Variants in PTBP2 observed in about 807,000 individuals in gnomAD.
PTBP2 encodes polypyrimidine tract binding protein 2, also known as polypyrimidine tract-binding protein 2.
A neutral mutation model predicts 61.4 loss-of-function variants in PTBP2; 13 were observed. The ratio of observed to expected loss-of-function variants is 0.21; its 90% confidence interval spans 0.14 to 0.34. PTBP2 has a LOEUF of 0.34. PTBP2 is among the 10% of genes least tolerant of loss of function. PTBP2 has a pLI of 1.00. For synonymous variants in PTBP2, 215 were observed against 218.5 expected (o/e 0.98, Z 0.14); for missense variants, 405 against 642.6 (o/e 0.63, Z 4.00).
intron 5 of PTBP2, among the ~76,000 whole-genome samples, chr1:96,773,273 T>C (rs949567742): frequency 6.6e-6 from 1 of 152,116 alleles, no homozygotes; most frequent in Non-Finnish European, 1.5e-5. Flanking sequence ...AAGCCACTTA[T>C]TCCAGACAGA....
At chr1:96,749,476 A>G (rs1457820852) in intron 2 of PTBP2, 2 of 311,110 alleles carry the variant, frequency 6.4e-6, no homozygotes, top group African/African-American at 2.2e-5. Flanking sequence ...AATTTTGTTC[A>G]GGTGAGTAAA....
At chr1:96,810,135 TTAA>T (rs1000819004) in intron 11 of PTBP2, among the ~76,000 whole-genome samples, 2 of 152,294 alleles carry the variant, frequency 1.3e-5, no homozygotes, top group African/African-American at 4.8e-5. Flanking sequence ...TTATTATTCG[TTAA>T]TAATCTCTTT....
At chr1:96,795,459 G>A (rs547962824) in intron 8 of PTBP2, among the ~76,000 whole-genome samples, 4 of 152,252 alleles carry the variant, frequency 2.6e-5, no homozygotes, top group African/African-American at 9.6e-5. Context: ...CTGTGGAGTT[G>A]TGAATTCAGA....
intron 3 of PTBP2, among the ~76,000 whole-genome samples, chr1:96,764,203 T>G (rs1219871605): frequency 6.6e-6 from 1 of 152,202 alleles, no homozygotes; most frequent in Non-Finnish European, 1.5e-5. Flanking sequence ...ATTTTACAGG[T>G]GAAAAAATTT....
At chr1:96,729,651 G>T (rs550833916) in intron 2 of PTBP2, among the ~76,000 whole-genome samples, 22 of 151,656 alleles carry the variant, frequency 1.5e-4, no homozygotes, top group Middle Eastern at 6.9e-3. Flanking sequence ...GTGAACTTTG[G>T]TAATTTGTAT....
rs1649582752 is a variant in PTBP2, at chr1:96,721,800, C to T, written c.-65C>T. On this transcript the variant is annotated 5_prime_UTR_variant, in exon 1 of 14. Transcript: ENST00000674951. The stretch of plus-strand genomic sequence containing the variant: ...TCGGGCCCCAGCCGCCATTTTCTCG[C>T]CGCTTGTGTGGCTCGCTGGCTGCGT... The T allele has an allele frequency of 8.4e-6, 13 of 1,549,848 alleles. No individual in the cohort carries two copies. Among genetic ancestry groups the T allele is most frequent in the Middle Eastern group, 1.7e-4 (1 of 5,974 alleles).
At chr1:96,725,892 G>A (rs989651760) in intron 2 of PTBP2, among the ~76,000 whole-genome samples, 3 of 151,226 alleles carry the variant, frequency 2.0e-5, no homozygotes, top group South Asian at 4.2e-4. Flanking sequence ...TGGCTAACAC[G>A]GTGAAACCCT....
chr1:96,792,776 C>A (rs1371487004), intron 8 of PTBP2, among the ~76,000 whole-genome samples: 1 of 151,552 alleles, frequency 6.6e-6, no homozygotes, highest in Non-Finnish European at 1.5e-5. Context: ...ATCTTTTTGA[C>A]AAACAACACG....
intron 2 of PTBP2, among the ~76,000 whole-genome samples, chr1:96,739,272 G>A (rs576195729): frequency 9.2e-5 from 14 of 151,838 alleles, no homozygotes; most frequent in Non-Finnish European, 1.5e-4. Context: ...TTTAAAAAAC[G>A]TTGCATAACT....
intron 2 of PTBP2, among the ~76,000 whole-genome samples, chr1:96,724,639 C>G (rs547320907): frequency 2.9e-5 from 4 of 136,250 alleles, no homozygotes; most frequent in Admixed American, 8.9e-5. Flanking sequence ...GCTGACTGTT[C>G]AAACATTTTT....
chr1:96,723,110 C>T (rs1649859985), intron 1 of PTBP2, among the ~76,000 whole-genome samples: 1 of 152,062 alleles, frequency 6.6e-6, no homozygotes, highest in African/African-American at 2.4e-5. Context: ...TAGATGTTAC[C>T]TAAAGATTAT....
chr1:96,759,756 A>G (rs1022720955), intron 3 of PTBP2, among the ~76,000 whole-genome samples: 1 of 152,218 alleles, frequency 6.6e-6, no homozygotes. Flanking sequence ...CTTGGAGAAT[A>G]TAATATTTGT....
intron 8 of PTBP2, among the ~76,000 whole-genome samples, chr1:96,802,147 C>T (rs1026399418): frequency 7.5e-6 from 1 of 133,028 alleles, no homozygotes; most frequent in African/African-American, 2.8e-5. Flanking sequence ...GGAGGCGGAG[C>T]TTGCAGTGAG....
At chr1:96,756,515 A>G (rs1655175832) in intron 3 of PTBP2, among the ~76,000 whole-genome samples, 2 of 152,200 alleles carry the variant, frequency 1.3e-5, no homozygotes, top group African/African-American at 4.8e-5. Context: ...ACCTTTCTTT[A>G]TAGTTGCCAG....
At chr1:96,756,041 CACTT>C (rs1655119410) in intron 3 of PTBP2, among the ~76,000 whole-genome samples, 3 of 152,204 alleles carry the variant, frequency 2.0e-5, no homozygotes, top group African/African-American at 7.2e-5. Flanking sequence ...CAGGAACTCT[CACTT>C]ACTGCTCAGT....
intron 8 of PTBP2, among the ~76,000 whole-genome samples, chr1:96,801,427 T>C (rs942111159): frequency 5.3e-5 from 8 of 152,306 alleles, no homozygotes; most frequent in Admixed American, 5.2e-4. Context: ...GAGATCTTCA[T>C]AGGGGGCCCA....
chr1:96,754,006 A>G (rs964643598), intron 3 of PTBP2, among the ~76,000 whole-genome samples: 1 of 152,142 alleles, frequency 6.6e-6, no homozygotes, highest in South Asian at 2.1e-4. Flanking sequence ...ATGACTGAGA[A>G]CTTCTAAAAT....
intron 3 of PTBP2, among the ~76,000 whole-genome samples, chr1:96,754,023 A>G (rs756066424): frequency 7.2e-5 from 11 of 152,192 alleles, no homozygotes; most frequent in Non-Finnish European, 1.3e-4. Flanking sequence ...AAATTTGAAT[A>G]AAATATATCA....
Position 96,813,450 on chromosome 1 carries a change from C to T in PTBP2, c.*45C>T, listed in dbSNP as rs768047596. 1.2e-5 allele frequency: 18 copies of T among 1,496,790 alleles called. No homozygotes were observed. Among genetic ancestry groups the T allele is most frequent in the Non-Finnish European group, 1.6e-5 (18 of 1,114,494 alleles). 92.7% of individuals were successfully genotyped at this position (1,496,790 alleles called of 1,614,324 possible). On this transcript the variant is annotated 3_prime_UTR_variant, in exon 14 of 14. Transcript: ENST00000674951. ...GGGGGTGAATCACATTGTTCAATGT[C>T]ATCACCTATTTGACTGTTCAGAAAA...
Sources: allele counts gnomAD v4.1 joint callset (sites outside exome capture counted in the v4.1 genomes callset), GRCh38; gene constraint gnomAD v4.1.1; transcripts MANE v1.5; gene names NCBI Gene and HGNC (gene_info 2026-07-23, HGNC 2026-07-21).